SHROOM3: variants seen among roughly 807,000 people sequenced by gnomAD.
The protein encoded by SHROOM3 is shroom family member 3.
A neutral mutation model predicts 138.6 loss-of-function variants in SHROOM3; 47 were observed. The ratio of observed to expected loss-of-function variants is 0.34; its 90% CI spans 0.27 to 0.43. The LOEUF (loss-of-function observed/expected upper bound fraction) is 0.43. SHROOM3 is among the 20% of genes least tolerant of loss of function. The pLI, the probability that SHROOM3 is intolerant of heterozygous loss-of-function variation, is 1.00. For synonymous variants in SHROOM3, 1,062 were observed against 1,063.3 expected (o/e 1.00, Z 0.02); for missense variants, 2,491 against 2,596.5 (o/e 0.96, Z 0.88).
intron 3 of SHROOM3, among the ~76,000 whole-genome samples, chr4:76,726,304 C>T (rs1169613709): frequency 6.6e-6 from 1 of 152,070 alleles, no homozygotes; most frequent in Non-Finnish European, 1.5e-5. Flanking sequence ...TGATCATTCT[C>T]AGAGACTCAT....
At chr4:76,702,785 G>A (rs1357774645) in intron 2 of SHROOM3, among the ~76,000 whole-genome samples, 1 of 152,206 alleles carries the variant, frequency 6.6e-6, no homozygotes, top group African/African-American at 2.4e-5. Context: ...GCTACTAGCT[G>A]TGTCAAAGGG....
In SHROOM3 at chr4:76,756,820, C is replaced by T. The variant is rs202127378; in HGVS notation, c.5081C>T (p.Thr1694Ile). Reference sequence around the variant, plus strand: ...TTGGATCCAGACTCCAGGCTGAAGACAACAATGGACCTGATGGAAGGTTTG... The same window carrying T: ...TTGGATCCAGACTCCAGGCTGAAGATAACAATGGACCTGATGGAAGGTTTG... ...DILDPDSRLK[T>I]TMDLMEGLFP... Residue 1694 changes from threonine to isoleucine, a missense_variant, in exon 8 of 11, where the codon ACA (threonine) becomes ATA (isoleucine). Thr to Ile is a moderately conservative substitution (Grantham distance 89). This residue lies in a region of SHROOM3 where 470 missense variants were observed against 595.0 expected (regional missense o/e 0.79). Coordinates refer to ENST00000296043, the MANE Select transcript of SHROOM3 (RefSeq NM_020859.4). The T allele has an allele frequency of 6.2e-7, 1 of 1,614,062 alleles. No homozygotes were observed. Among genetic ancestry groups the T allele is most frequent in the East Asian group, 2.2e-5 (1 of 44,866 alleles).
chr4:76,500,789 T>C (rs964378540), intron 1 of SHROOM3, among the ~76,000 whole-genome samples: 1 of 152,002 alleles, frequency 6.6e-6, no homozygotes, highest in African/African-American at 2.4e-5. Flanking sequence ...CCTTTTTCTT[T>C]TCTCTTTCTT....
At chr4:76,633,332 CAAAAAAA>C (rs56002974) in intron 2 of SHROOM3, among the ~76,000 whole-genome samples, 1 of 83,854 alleles carries the variant, frequency 1.2e-5, no homozygotes, top group Non-Finnish European at 2.3e-5. Flanking sequence ...GACTCAGTCT[CAAAAAAA>C]AAAAAAAAAA....
chr4:76,681,021 TTGCC>T (rs1204617732), intron 2 of SHROOM3, among the ~76,000 whole-genome samples: 2 of 152,192 alleles, frequency 1.3e-5, no homozygotes, highest in Non-Finnish European at 2.9e-5. Flanking sequence ...TGATTTCTCT[TTGCC>T]TACAAAATAA....
chr4:76,447,785 G>T (rs553552159), intron 1 of SHROOM3, among the ~76,000 whole-genome samples: 1 of 152,264 alleles, frequency 6.6e-6, no homozygotes, highest in Admixed American at 6.5e-5. Context: ...GCATGGTGTT[G>T]CTCTTGGCTC....
intron 2 of SHROOM3, among the ~76,000 whole-genome samples, chr4:76,606,121 C>T (rs1420835071): frequency 1.4e-5 from 2 of 145,920 alleles, no homozygotes; most frequent in Non-Finnish European, 3.0e-5. Flanking sequence ...TCCAGCGATT[C>T]TCCTGCCTCA....
chr4:76,563,496 A>G (rs1434818291), intron 2 of SHROOM3, among the ~76,000 whole-genome samples: 1 of 152,186 alleles, frequency 6.6e-6, no homozygotes, highest in Non-Finnish European at 1.5e-5. Flanking sequence ...GGAAGCTCGG[A>G]TTGCAGGAAG....
rs563866367 is a variant in SHROOM3 at position 76,717,888 on chromosome 4, T to C, written c.455+7601T>C. On this transcript the variant is annotated intron_variant, in intron 3 of 10. Transcript: ENST00000296043. Reference sequence around the variant, plus strand: ...TTTAACTCCATCACAATTGAAGATTTAAATACTTCATTATATTTTCTCTTA... The same window carrying C: ...TTTAACTCCATCACAATTGAAGATTCAAATACTTCATTATATTTTCTCTTA... 3.7e-4 allele frequency among the ~76,000 whole-genome samples: 56 copies of C among 152,350 alleles called. No individual in the cohort carries two copies. The South Asian group carries it at 4.8e-3, about 13-fold the overall frequency.
Position 76,780,997 on chromosome 4 carries a change from C to T in SHROOM3, c.*1820C>T, listed in dbSNP as rs571009376. 3 of 152,224 alleles carry T rather than the reference C, an allele frequency of 2.0e-5. No homozygotes were observed. The highest frequency in any genetic ancestry group is 4.4e-5 in the Non-Finnish European group (3 of 68,058). The allele number at this position is 152,224 out of a possible 1,614,324, so 9.4% of individuals were successfully genotyped here. ...AGCCAGGTGGAAGACAGCCAGCAAACGTCTACAGTTATTCTTAGTGAAATT... is the reference window on the plus strand; with the variant it reads ...AGCCAGGTGGAAGACAGCCAGCAAATGTCTACAGTTATTCTTAGTGAAATT... On this transcript the variant is annotated 3_prime_UTR_variant, in exon 11 of 11. Coordinates refer to ENST00000296043, the MANE Select transcript of SHROOM3 (RefSeq NM_020859.4).
intron 1 of SHROOM3, among the ~76,000 whole-genome samples, chr4:76,517,555 A>T (rs1732468253): frequency 6.6e-6 from 1 of 152,094 alleles, no homozygotes; most frequent in Non-Finnish European, 1.5e-5. Flanking sequence ...ATTCTTATCC[A>T]TGTAAATGAA....
At chr4:76,588,514 C>A (rs916547173) in intron 2 of SHROOM3, among the ~76,000 whole-genome samples, 1 of 152,116 alleles carries the variant, frequency 6.6e-6, no homozygotes, top group Non-Finnish European at 1.5e-5. Context: ...CTGTGCACCC[C>A]CTTGGCTCTG....
intron 2 of SHROOM3, among the ~76,000 whole-genome samples, chr4:76,621,207 G>A (rs933477080): frequency 6.6e-6 from 1 of 151,488 alleles, no homozygotes; most frequent in Non-Finnish European, 1.5e-5. Context: ...ACTGCAGAGA[G>A]CCTCACACTG....
At chr4:76,581,296 AAG>A (rs1734049183) in intron 2 of SHROOM3, among the ~76,000 whole-genome samples, 2 of 152,250 alleles carry the variant, frequency 1.3e-5, no homozygotes, top group Non-Finnish European at 1.5e-5. Context: ...AGAATGTGGA[AAG>A]AGAGAAAAAA....
At chr4:76,733,763 G>A (rs1406983046) in intron 4 of SHROOM3, among the ~76,000 whole-genome samples, 1 of 152,102 alleles carries the variant, frequency 6.6e-6, no homozygotes, top group East Asian at 1.9e-4. Context: ...TTATGGATCT[G>A]TTTCTTGTTA....
chr4:76,686,819 G>A (rs1312390356), intron 2 of SHROOM3, among the ~76,000 whole-genome samples: 2 of 152,222 alleles, frequency 1.3e-5, no homozygotes, highest in Non-Finnish European at 2.9e-5. Context: ...GGAGGAAACT[G>A]ACTTGGCATA....
At chr4:76,525,831 A>G (rs1464571603) in intron 1 of SHROOM3, among the ~76,000 whole-genome samples, 1 of 152,148 alleles carries the variant, frequency 6.6e-6, no homozygotes, top group Non-Finnish European at 1.5e-5. Flanking sequence ...ATCCTCTGTT[A>G]TTCAGCACGG....
chr4:76,482,603 C>T (rs1264386336), intron 1 of SHROOM3, among the ~76,000 whole-genome samples: 2 of 152,072 alleles, frequency 1.3e-5, no homozygotes, highest in Non-Finnish European at 2.9e-5. Context: ...CAATGCTATC[C>T]CCATCAATCT....
chr4:76,684,860 G>A (rs1374619104), intron 2 of SHROOM3, among the ~76,000 whole-genome samples: 1 of 152,144 alleles, frequency 6.6e-6, no homozygotes, highest in African/African-American at 2.4e-5. Flanking sequence ...CCTCCTTCAT[G>A]TTCACTACAT....
Sources: allele counts gnomAD v4.1 joint callset (sites outside exome capture counted in the v4.1 genomes callset), GRCh38; gene constraint gnomAD v4.1.1; regional missense constraint gnomAD v4.1.1; transcripts MANE v1.5; gene names NCBI Gene and HGNC (gene_info 2026-07-23, HGNC 2026-07-21).